Variants in CADM2 observed in about 807,000 individuals in gnomAD.
The protein encoded by CADM2 is immunoglobulin superfamily member 4D.
In CADM2, 12 loss-of-function variants were observed where a neutral mutation model predicts 49.8. That is an observed-to-expected ratio of 0.24 (90% confidence interval 0.15 to 0.39). The LOEUF is 0.39. Among genes scored for constraint, CADM2 ranks in the 10% least tolerant of loss-of-function variants. The probability of loss-of-function intolerance (pLI) is 1.00; values close to 1 mark genes in which losing one functional copy is unlikely to be tolerated. For synonymous variants in CADM2, 214 were observed against 175.4 expected (o/e 1.22, Z -1.74); for missense variants, 378 against 492.3 (o/e 0.77, Z 2.20).
chr3:85,749,813 G>A (rs1043625512), intron 2 of CADM2, among the ~76,000 whole-genome samples: 3 of 151,840 alleles, frequency 2.0e-5, no homozygotes, highest in Admixed American at 2.0e-4. Context: ...GCTAACATTT[G>A]CCTATCCCTA....
intron 1 of CADM2, among the ~76,000 whole-genome samples, chr3:85,065,022 A>G (rs2036474241): frequency 6.6e-6 from 1 of 152,124 alleles, no homozygotes. Context: ...CTTTATTACC[A>G]TATAGATGGA....
chr3:85,568,453 T>TTC (rs1559915924), intron 1 of CADM2, among the ~76,000 whole-genome samples: 373 of 27,396 alleles, frequency 0.014, 16 homozygotes, highest in African/African-American at 0.026. Flanking sequence ...CTTTCTTTCT[T>TTC]TCTTTCTTTC....
At chr3:85,790,892 C>T (rs541997484) in intron 2 of CADM2, among the ~76,000 whole-genome samples, 1 of 152,224 alleles carries the variant, frequency 6.6e-6, no homozygotes, top group South Asian at 2.1e-4. Flanking sequence ...AGACTGATGG[C>T]CATGCTCCAC....
chr3:85,293,738 A>G (rs1559763686), intron 1 of CADM2, among the ~76,000 whole-genome samples: 1 of 148,896 alleles, frequency 6.7e-6, no homozygotes, highest in Non-Finnish European at 1.5e-5. Flanking sequence ...AAATTCAGCA[A>G]CCCTTCATGC....
chr3:85,178,182 G>A (rs2040835441), intron 1 of CADM2, among the ~76,000 whole-genome samples: 1 of 151,762 alleles, frequency 6.6e-6, no homozygotes. Flanking sequence ...TATGGGTTAA[G>A]CATTAAATAT....
rs372217376 is a variant in CADM2 at position 85,910,514 on chromosome 3, C to T, written c.530-1859C>T. 1.4e-4 allele frequency among the ~76,000 whole-genome samples: 21 copies of T among 151,918 alleles called. 1 individual carries two copies. In the East Asian group the frequency reaches 3.5e-3, roughly 25 times the overall value. On this transcript the variant is annotated intron_variant, in intron 5 of 9. Coordinates refer to ENST00000383699, the MANE Select transcript of CADM2 (RefSeq NM_001167675.2). ...TTTAATATTTTTAAATGGAATTGTA[C>T]CTAATTTTCAAGTGCAAAAATCTTA... is the stretch of plus-strand genomic sequence containing the variant.
At chr3:85,399,797 G>A (rs1391898226) in intron 1 of CADM2, among the ~76,000 whole-genome samples, 1 of 152,198 alleles carries the variant, frequency 6.6e-6, no homozygotes, top group East Asian at 1.9e-4. Flanking sequence ...AAGAATGCTT[G>A]TGATTTTTGC....
At chr3:85,487,190 G>A (rs923921316) in intron 1 of CADM2, among the ~76,000 whole-genome samples, 5 of 152,110 alleles carry the variant, frequency 3.3e-5, no homozygotes, top group Admixed American at 1.3e-4. Flanking sequence ...GTTTGCCTAA[G>A]CTACATTTGA....
intron 1 of CADM2, among the ~76,000 whole-genome samples, chr3:85,549,451 T>G (rs981959584): frequency 1.1e-4 from 16 of 152,120 alleles, no homozygotes; most frequent in African/African-American, 3.9e-4. Context: ...ACAAGAACTA[T>G]AGATATCTAT....
chr3:85,859,224 C>CTTTTTTTTTTTTTTTTTTTTTTTTTT (rs397990427), intron 3 of CADM2, among the ~76,000 whole-genome samples: 4 of 70,604 alleles, frequency 5.7e-5, no homozygotes, highest in Non-Finnish European at 7.5e-5. Flanking sequence ...TTTTTTTTGT[C>CTTTTTTTTTTTTTTTTTTTTTTTTTT]TTTTTTTTTT....
chr3:85,264,908 C>T (rs910813354), intron 1 of CADM2, among the ~76,000 whole-genome samples: 2 of 151,888 alleles, frequency 1.3e-5, no homozygotes, highest in African/African-American at 2.4e-5. Flanking sequence ...AAGCCAATAC[C>T]AGTTGTTTCT....
chr3:85,162,266 A>G (rs943357587), intron 1 of CADM2, among the ~76,000 whole-genome samples: 10 of 152,200 alleles, frequency 6.6e-5, no homozygotes, highest in Non-Finnish European at 1.2e-4. Context: ...GATCCAAAAA[A>G]TGCTACCACA....
chr3:85,010,030 TAG>T (rs2033915437), intron 1 of CADM2, among the ~76,000 whole-genome samples: 1 of 151,588 alleles, frequency 6.6e-6, no homozygotes, highest in African/African-American at 2.4e-5. Context: ...TAAACTAACT[TAG>T]AGTTACTTTT....
chr3:85,656,042 A>G (rs1163100029), intron 1 of CADM2, among the ~76,000 whole-genome samples: 1 of 151,734 alleles, frequency 6.6e-6, no homozygotes, highest in Non-Finnish European at 1.5e-5. Flanking sequence ...TCCCTGTCAC[A>G]TCTTAGAGCA....
intron 8 of CADM2, among the ~76,000 whole-genome samples, chr3:86,006,717 G>T (rs1055354967): frequency 1.3e-5 from 2 of 152,034 alleles, no homozygotes; most frequent in African/African-American, 2.4e-5. Flanking sequence ...TCCTTTTGTG[G>T]CATCTTTCTA....
intron 2 of CADM2, among the ~76,000 whole-genome samples, chr3:85,762,613 C>CTCTCTCTCTCTCTG (rs138508303): frequency 0.14 from 20,939 of 147,924 alleles, 1,862 homozygotes; most frequent in Non-Finnish European, 0.19. Flanking sequence ...CTCTCTCTCT[C>CTCTCTCTCTCTCTG]TCTCTCTCTG....
At chr3:85,274,446 C>CA (rs918017774) in intron 1 of CADM2, among the ~76,000 whole-genome samples, 4 of 151,366 alleles carry the variant, frequency 2.6e-5, no homozygotes, top group Non-Finnish European at 5.9e-5. Flanking sequence ...CAGAGAGCAG[C>CA]AACCTGAAAT....
chr3:85,730,634 G>T (rs925427354), intron 2 of CADM2, among the ~76,000 whole-genome samples: 9 of 151,944 alleles, frequency 5.9e-5, no homozygotes, highest in African/African-American at 2.2e-4. Flanking sequence ...CCACTTAGAG[G>T]AGAAAGGTAC....
chr3:86,021,891 T>C (rs1559806773), intron 8 of CADM2, among the ~76,000 whole-genome samples: 1 of 152,032 alleles, frequency 6.6e-6, no homozygotes, highest in Non-Finnish European at 1.5e-5. Context: ...GAAGAGCAAG[T>C]CTAGAGATCT....
Sources: gnomAD v4.1 joint callset for allele counts (sites outside exome capture counted in the v4.1 genomes callset) on GRCh38, gnomAD v4.1.1 for gene constraint, MANE v1.5 for transcripts, NCBI Gene and HGNC (gene_info 2026-07-23, HGNC 2026-07-21) for gene names.